The following NRG1 variants were observed in gnomAD, a reference collection of about 807,000 sequenced individuals.
The protein encoded by NRG1 is pro-neuregulin-1, membrane-bound isoform.
A neutral mutation model predicts 63.8 loss-of-function variants in NRG1; 18 were observed. The observed-to-expected ratio is 0.28, with a 90% CI of 0.19 to 0.42. The LOEUF is 0.42. Ranked by LOEUF, NRG1 falls within the 10% of genes least tolerant of loss-of-function variation. The probability of loss-of-function intolerance (pLI) is 1.00; values close to 1 mark genes in which losing one functional copy is unlikely to be tolerated. For synonymous variants in NRG1, 302 were observed against 301.3 expected, an observed-to-expected ratio of 1.00 and a Z score of -0.02; for missense variants, 762 against 814.7, an observed-to-expected ratio of 0.94 and a Z score of 0.79.
chr8:32,626,610 G>A (rs568638478), intron 5 of NRG1, among the ~76,000 whole-genome samples: 3 of 151,460 alleles, frequency 2.0e-5, no homozygotes, highest in Non-Finnish European at 4.4e-5. Context: ...AACCTGGGAG[G>A]TGGAGTTTGC....
chr8:31,849,593 GTC>G (rs1332083498), intron 1 of NRG1, among the ~76,000 whole-genome samples: 1 of 152,160 alleles, frequency 6.6e-6, no homozygotes, highest in Non-Finnish European at 1.5e-5. Context: ...ACTTCCTTTT[GTC>G]TCTCATTTCA....
intron 1 of NRG1, among the ~76,000 whole-genome samples, chr8:32,403,431 T>C (rs1813506418): frequency 6.6e-6 from 1 of 152,122 alleles, no homozygotes. Context: ...CTTATCCCCA[T>C]TTTACAAGAT....
At chr8:32,180,303 C>A (rs529689423) in intron 1 of NRG1, among the ~76,000 whole-genome samples, 2 of 152,272 alleles carry the variant, frequency 1.3e-5, no homozygotes, top group Admixed American at 1.3e-4. Flanking sequence ...TCCAGCTAAA[C>A]AATCTAATCC....
At chr8:32,574,565 A>G (rs1016987558) in intron 1 of NRG1, among the ~76,000 whole-genome samples, 1 of 152,100 alleles carries the variant, frequency 6.6e-6, no homozygotes, top group African/African-American at 2.4e-5. Context: ...CATGATAATG[A>G]CTAAGATCTG....
intron 1 of NRG1, among the ~76,000 whole-genome samples, chr8:32,388,046 T>A (rs1353031433): frequency 6.6e-6 from 1 of 152,192 alleles, no homozygotes; most frequent in African/African-American, 2.4e-5. Flanking sequence ...AAAGCCAGGT[T>A]CAGCGTAGTC....
At chr8:31,791,642 T>C (rs1280962932) in intron 1 of NRG1, among the ~76,000 whole-genome samples, 1 of 152,188 alleles carries the variant, frequency 6.6e-6, no homozygotes, top group Admixed American at 6.5e-5. Flanking sequence ...TGGCTGGATC[T>C]TCATGAGGTT....
At chr8:31,809,741 G>GTTTTTTTTTTTTTT (rs753730069) in intron 1 of NRG1, among the ~76,000 whole-genome samples, 3 of 68,032 alleles carry the variant, frequency 4.4e-5, no homozygotes, top group African/African-American at 1.3e-4. Flanking sequence ...TCTATTAATT[G>GTTTTTTTTTTTTTT]TTTTTTTTTT....
Position 32,760,512 on chromosome 8 carries a change from G to C in NRG1, c.1259+106G>C, listed in dbSNP as rs1830502446. On this transcript the variant is annotated intron_variant, in intron 11 of 11. Coordinates refer to ENST00000356819, the Ensembl canonical transcript of NRG1. ...AAATCTACTCTAATCAGAATAAGGG[G>C]CGGCAGTTACCTGTTCTAGGAGTGC... is the stretch of plus-strand genomic sequence containing the variant. 3 of 1,545,572 alleles carry C rather than the reference G, an allele frequency of 1.9e-6. No individual in the cohort carries two copies. The East Asian group carries it at 6.8e-5, about 35-fold the overall frequency.
Position 32,499,219 on chromosome 8 carries a change from G to A in NRG1, c.38-96609G>A, listed in dbSNP as rs535780243. ...TCTCATTTCAGGAAGCAGCATGCAG[G>A]TGGGAGTGGGGCACCCCTCTGAAGT... On this transcript the variant is annotated intron_variant, in intron 1 of 10. Coordinates refer to the NRG1 transcript ENST00000519301. Among the ~76,000 whole-genome samples the A allele has an allele frequency of 2.0e-5, 3 of 152,200 alleles. No homozygotes were observed. The South Asian group carries it at 6.2e-4, about 31-fold the overall frequency.
intron 1 of NRG1, among the ~76,000 whole-genome samples, chr8:32,583,281 T>G (rs1841017594): frequency 6.6e-6 from 1 of 152,174 alleles, no homozygotes; most frequent in Non-Finnish European, 1.5e-5. Flanking sequence ...GAAATAGGTG[T>G]GGCAGGTGCT....
chr8:31,908,090 G>C (rs1011204230), intron 1 of NRG1, among the ~76,000 whole-genome samples: 3 of 152,068 alleles, frequency 2.0e-5, no homozygotes, highest in African/African-American at 7.2e-5. Flanking sequence ...TCTTCAAAAA[G>C]GCAGCAAGGA....
At chr8:32,427,346 C>T (rs956115219) in intron 1 of NRG1, among the ~76,000 whole-genome samples, 1 of 152,178 alleles carries the variant, frequency 6.6e-6, no homozygotes, top group Non-Finnish European at 1.5e-5. Flanking sequence ...TCCATCTCCA[C>T]TTGGCTCTTT....
At chr8:32,241,536 T>C (rs529475544) in intron 1 of NRG1, among the ~76,000 whole-genome samples, 8 of 152,210 alleles carry the variant, frequency 5.3e-5, no homozygotes, top group African/African-American at 1.7e-4. Flanking sequence ...AGCTCCAAAA[T>C]GTACTGCACA....
intron 5 of NRG1, among the ~76,000 whole-genome samples, chr8:32,694,484 C>A (rs1022203222): frequency 2.0e-5 from 3 of 152,144 alleles, no homozygotes; most frequent in Admixed American, 6.6e-5. Flanking sequence ...CATGACCCAT[C>A]ATGGTGCTCG....
intron 1 of NRG1, among the ~76,000 whole-genome samples, chr8:31,855,755 T>A (rs1019205885): frequency 9.2e-5 from 14 of 152,334 alleles, no homozygotes; most frequent in African/African-American, 3.1e-4. Context: ...TGGTACCGGT[T>A]GTTCCTTTTC....
chr8:31,926,634 T>G (rs1435092110), intron 1 of NRG1, among the ~76,000 whole-genome samples: 1 of 152,186 alleles, frequency 6.6e-6, no homozygotes, highest in East Asian at 1.9e-4. Flanking sequence ...TTGATAAAAA[T>G]TGTTCTCTCA....
At chr8:32,431,796 A>G (rs1818183956) in intron 1 of NRG1, among the ~76,000 whole-genome samples, 2 of 152,090 alleles carry the variant, frequency 1.3e-5, no homozygotes, top group African/African-American at 2.4e-5. Context: ...TAGAAACAAC[A>G]GCAATAACAA....
chr8:32,360,568 A>T lies in NRG1; in HGVS notation c.38-235260A>T, dbSNP rs188830186. Among the ~76,000 whole-genome samples the T allele has an allele frequency of 7.8e-3, 1,195 of 152,284 alleles. 8 individuals carry two copies. The highest frequency in any genetic ancestry group is 0.013 in the Non-Finnish European group (899 of 68,006). On this transcript the variant is annotated intron_variant, in intron 1 of 10. Coordinates refer to the NRG1 transcript ENST00000519301. ...TGGCTTTGACAACTTTAAACATTTTATAATTGTGGAATTTCTTTTGTCGTT... is the reference window on the plus strand; with the variant it reads ...TGGCTTTGACAACTTTAAACATTTTTTAATTGTGGAATTTCTTTTGTCGTT...
At chr8:32,273,276 C>T (rs1343974836) in intron 1 of NRG1, among the ~76,000 whole-genome samples, 2 of 152,114 alleles carry the variant, frequency 1.3e-5, no homozygotes, top group Middle Eastern at 3.4e-3. Context: ...GTTTTGGAAG[C>T]AATTTAGAAA....
Sources: allele counts gnomAD v4.1 joint callset (sites outside exome capture counted in the v4.1 genomes callset), GRCh38; gene constraint gnomAD v4.1.1; transcripts MANE v1.5; gene names NCBI Gene and HGNC (gene_info 2026-07-23, HGNC 2026-07-21).